PEPD: variants seen among roughly 807,000 people sequenced by gnomAD.
The protein encoded by PEPD is peptidase D.
PEPD carries 53 observed loss-of-function variants against 60.7 expected under a neutral mutation model. The observed-to-expected ratio is 0.87, with a 90% CI of 0.70 to 1.10. The LOEUF (loss-of-function observed/expected upper bound fraction) is 1.10. PEPD is among the 50% of genes least tolerant of loss of function. PEPD has a pLI of 0.00. For missense variants in PEPD, 711 were observed against 711.9 expected (o/e 1.00, Z 0.01); for synonymous variants, 267 against 284.1 (o/e 0.94, Z 0.60).
chr19:33,421,468 A>C (rs952545070), intron 9 of PEPD, among the ~76,000 whole-genome samples: 14 of 152,190 alleles, frequency 9.2e-5, no homozygotes, highest in African/African-American at 3.1e-4. Flanking sequence ...CAACAGATAC[A>C]TGTATGTACT....
At chr19:33,510,763 C>T (rs1160374717) in intron 3 of PEPD, among the ~76,000 whole-genome samples, 1 of 152,094 alleles carries the variant, frequency 6.6e-6, no homozygotes, top group Non-Finnish European at 1.5e-5. Context: ...TTCCCAAGGA[C>T]CCCTTTTCCT....
At chr19:33,431,542 C>T (rs187477582) in intron 9 of PEPD, among the ~76,000 whole-genome samples, 54 of 152,334 alleles carry the variant, frequency 3.5e-4, no homozygotes, top group African/African-American at 1.3e-3. Flanking sequence ...TCTACCTCTC[C>T]TTTTTGCCAC....
rs1439355170 is a variant in PEPD, at chr19:33,463,938, C to A, written c.624+49G>T. The A allele has an allele frequency of 1.6e-5, 21 of 1,285,026 alleles. No homozygotes were observed. The Admixed American group carries it at 2.2e-4, about 13-fold the overall frequency. The allele number at this position is 1,285,026 out of a possible 1,614,324, so 79.6% of individuals were successfully genotyped here. A position where few individuals can be genotyped will look rare whatever the true frequency, so the allele number is the denominator to read the frequency against. Reference sequence around the variant, plus strand: ...TCATCCTCACGCAGTTCTCTCGCCACACAGCAACACTGCTTTCCCCACTCA... The same window carrying A: ...TCATCCTCACGCAGTTCTCTCGCCAAACAGCAACACTGCTTTCCCCACTCA... On this transcript the variant is annotated intron_variant, in intron 8 of 14. Transcript: ENST00000244137.
chr19:33,433,038 T>C (rs1353710291), intron 9 of PEPD, among the ~76,000 whole-genome samples: 1 of 152,008 alleles, frequency 6.6e-6, no homozygotes, highest in Non-Finnish European at 1.5e-5. Flanking sequence ...TTTAAGGGAA[T>C]TGTTTCTATC....
At chr19:33,430,954 T>C (rs1045799829) in intron 9 of PEPD, among the ~76,000 whole-genome samples, 4 of 152,092 alleles carry the variant, frequency 2.6e-5, no homozygotes, top group Admixed American at 6.5e-5. Flanking sequence ...ACCATTGTTG[T>C]GGACAAAGTA....
chr19:33,494,672 C>A (rs1317012199), intron 4 of PEPD, among the ~76,000 whole-genome samples: 2 of 152,210 alleles, frequency 1.3e-5, no homozygotes, highest in Non-Finnish European at 2.9e-5. Flanking sequence ...ACGGCCTGTG[C>A]CAGTCATCTT....
chr19:33,388,380 G>A, intron 13 of PEPD: 1 of 581,930 alleles, frequency 1.7e-6, no homozygotes, highest in Non-Finnish European at 3.2e-6. Context: ...CAGGCCTGTG[G>A]GGCTGGCTGA....
chr19:33,430,506 C>T (rs1033099703), intron 9 of PEPD, among the ~76,000 whole-genome samples: 4 of 152,116 alleles, frequency 2.6e-5, no homozygotes, highest in East Asian at 3.9e-4. Context: ...GATCAAAGCC[C>T]GTCTGTCTGT....
intron 11 of PEPD, among the ~76,000 whole-genome samples, chr19:33,404,709 A>G (rs1393179014): frequency 6.6e-6 from 1 of 152,078 alleles, no homozygotes; most frequent in East Asian, 1.9e-4. Flanking sequence ...TGCTTTCTGG[A>G]GGGGGAAGTA....
intron 7 of PEPD, among the ~76,000 whole-genome samples, chr19:33,473,627 C>T (rs184515449): frequency 7.2e-4 from 109 of 152,330 alleles, no homozygotes; most frequent in African/African-American, 2.4e-3. Flanking sequence ...AACCGAAACC[C>T]AAGGCACTGA....
Position 33,514,142 on chromosome 19 carries a change from T to G in PEPD, c.18-1366A>C, listed in dbSNP as rs1600178031. Among the ~76,000 whole-genome samples, 3 of 151,802 alleles carry G rather than the reference T, an allele frequency of 2.0e-5. 1 individual carries two copies. The highest frequency in any genetic ancestry group is 2.0e-4 in the Admixed American group (3 of 15,254). On this transcript the variant is annotated intron_variant, in intron 1 of 14. Coordinates refer to ENST00000244137, the MANE Select transcript of PEPD (RefSeq NM_000285.4). ...GTGTGGAGAGATAATGGGGATGAGG[T>G]GGAGGAGGAGTAAGCAGGGGCAGGG... is the stretch of plus-strand genomic sequence containing the variant.
chr19:33,414,044 A>G (rs979404142), intron 9 of PEPD, among the ~76,000 whole-genome samples: 2 of 152,052 alleles, frequency 1.3e-5, no homozygotes, highest in Admixed American at 6.5e-5. Context: ...ATTCCCTGTG[A>G]CTCCGTGCCC....
At chr19:33,388,417 C>T (rs1229680287) in intron 13 of PEPD, 7 of 512,932 alleles carry the variant, frequency 1.4e-5, no homozygotes, top group African/African-American at 3.8e-5. Context: ...AGCCAGGCCC[C>T]GCTGCTGGCC....
At chr19:33,434,085 G>A (rs1004634173) in intron 9 of PEPD, among the ~76,000 whole-genome samples, 1 of 152,118 alleles carries the variant, frequency 6.6e-6, no homozygotes, top group Non-Finnish European at 1.5e-5. Context: ...TGCTTGCTGG[G>A]AACTTTATGT....
chr19:33,516,371 C>T (rs893639907), intron 1 of PEPD, among the ~76,000 whole-genome samples: 1 of 152,032 alleles, frequency 6.6e-6, no homozygotes, highest in African/African-American at 2.4e-5. Context: ...GGTAAATAAG[C>T]CATGCTTTGC....
rs773146135 is a variant in PEPD at position 33,401,808 on chromosome 19, C to T, written c.880G>A (p.Ala294Thr). Reference sequence around the variant, plus strand: ...TGGTCTGCAGTGAACTTGCCGTTGGCGGGAAAGGAGCAGGTGATGTCGGAA... The same window carrying T: ...TGGTCTGCAGTGAACTTGCCGTTGGTGGGAAAGGAGCAGGTGATGTCGGAA... ...FASDITCSFPANGKFTADQKA... is the reference protein window; with the variant it reads ...FASDITCSFPTNGKFTADQKA... Residue 294 changes from alanine to threonine, a missense_variant, in exon 12 of 15, where the codon GCC (alanine) becomes ACC (threonine). By Grantham distance (58) the Ala-to-Thr change is moderately conservative. Transcript: ENST00000244137. The T allele has an allele frequency of 2.3e-5, 37 of 1,612,738 alleles. No homozygotes were observed. The highest frequency in any genetic ancestry group is 3.0e-5 in the Non-Finnish European group (35 of 1,179,726).
At chr19:33,424,260 C>G (rs1267217871) in intron 9 of PEPD, among the ~76,000 whole-genome samples, 4 of 152,240 alleles carry the variant, frequency 2.6e-5, no homozygotes, top group Admixed American at 2.6e-4. Flanking sequence ...TGACTGGTGC[C>G]TGGGAGGCTG....
intron 9 of PEPD, among the ~76,000 whole-genome samples, chr19:33,452,727 T>A (rs555086837): frequency 1.3e-5 from 2 of 152,218 alleles, no homozygotes; most frequent in Non-Finnish European, 2.9e-5. Flanking sequence ...GAAAACATAC[T>A]TACTGACTCT....
intron 9 of PEPD, among the ~76,000 whole-genome samples, chr19:33,426,379 A>G (rs1430082370): frequency 6.6e-6 from 1 of 152,258 alleles, no homozygotes; most frequent in East Asian, 1.9e-4. Context: ...CAATCTGAAA[A>G]TACTTCACAA....
Sources: gnomAD v4.1 joint callset for allele counts (sites outside exome capture counted in the v4.1 genomes callset) on GRCh38, gnomAD v4.1.1 for gene constraint, MANE v1.5 for transcripts, NCBI Gene and HGNC (gene_info 2026-07-23, HGNC 2026-07-21) for gene names.